The following ZBTB16 variants were observed in gnomAD, a reference collection of about 807,000 sequenced individuals.
ZBTB16 encodes zinc finger and BTB domain-containing protein 16.
ZBTB16 carries 8 observed loss-of-function variants against 56.8 expected under a neutral mutation model. The ratio of observed to expected loss-of-function variants is 0.14; its 90% confidence interval spans 0.08 to 0.25. ZBTB16 has a LOEUF of 0.25. ZBTB16 is among the 10% of genes least tolerant of loss of function. ZBTB16 has a pLI of 1.00. For synonymous variants in ZBTB16, 363 were observed against 368.5 expected, an observed-to-expected ratio of 0.98 and a Z score of 0.17; for missense variants, 625 against 903.0, an observed-to-expected ratio of 0.69 and a Z score of 3.95.
chr11:114,235,686 C>CT (rs1944561854), intron 4 of ZBTB16, among the ~76,000 whole-genome samples: 2 of 38,144 alleles, frequency 5.2e-5, no homozygotes, highest in African/African-American at 1.6e-4. Context: ...TTCTTTCTTT[C>CT]TTTCTTTTCT....
At chr11:114,225,612 C>G (rs976078289) in intron 4 of ZBTB16, among the ~76,000 whole-genome samples, 2 of 152,030 alleles carry the variant, frequency 1.3e-5, no homozygotes, top group African/African-American at 2.4e-5. Flanking sequence ...CGACATTAAT[C>G]CACGCGTGAG....
chr11:114,180,833 A>G (rs1011488980), intron 3 of ZBTB16: 1 of 152,274 alleles, frequency 6.6e-6, no homozygotes, highest in African/African-American at 2.4e-5. Flanking sequence ...GACAGGTGGG[A>G]ACCTGCTCTC....
intron 2 of ZBTB16, among the ~76,000 whole-genome samples, chr11:114,117,712 G>A (rs186627133): frequency 6.6e-6 from 1 of 152,306 alleles, no homozygotes; most frequent in African/African-American, 2.4e-5. Flanking sequence ...TATTTGCAGT[G>A]GGTCTTGAAG....
intron 4 of ZBTB16, among the ~76,000 whole-genome samples, chr11:114,201,843 AATG>A (rs1234117888): frequency 6.6e-6 from 1 of 152,224 alleles, no homozygotes; most frequent in African/African-American, 2.4e-5. Context: ...GAGTAATAAT[AATG>A]ATGATTTACA....
chr11:114,085,348 C>T (rs543328571), intron 2 of ZBTB16, among the ~76,000 whole-genome samples: 2 of 152,272 alleles, frequency 1.3e-5, no homozygotes, highest in African/African-American at 2.4e-5. Context: ...AACAGTGAGG[C>T]CTTAGCCATA....
chr11:114,207,008 GCT>G (rs1943891437), intron 4 of ZBTB16, among the ~76,000 whole-genome samples: 2 of 152,294 alleles, frequency 1.3e-5, no homozygotes, highest in Non-Finnish European at 1.5e-5. Context: ...ATGGCGGCAT[GCT>G]CTGTTTTTGA....
rs59621711 is a variant in ZBTB16, at chr11:114,114,367, A to G, written c.1269-41970A>G. ...CTTCAGTGTATATGAGCAGTTTGCT[A>G]TCATTTGTTAGACCTTTTGAGCATC... On this transcript the variant is annotated intron_variant, in intron 2 of 6. Coordinates refer to ENST00000335953, the MANE Select transcript of ZBTB16 (RefSeq NM_006006.6). Among the ~76,000 whole-genome samples, 1,148 of 152,332 alleles carry G rather than the reference A, an allele frequency of 7.5e-3. 15 individuals carry two copies. The highest frequency in any genetic ancestry group is 0.025 in the African/African-American group (1,026 of 41,574).
At chr11:114,151,809 C>A (rs922349086) in intron 2 of ZBTB16, among the ~76,000 whole-genome samples, 11 of 152,214 alleles carry the variant, frequency 7.2e-5, no homozygotes, top group African/African-American at 2.7e-4. Flanking sequence ...GTGGGCCGAG[C>A]TTACCCTGCA....
chr11:114,179,865 G>A (rs771210412), intron 3 of ZBTB16, among the ~76,000 whole-genome samples: 1 of 152,148 alleles, frequency 6.6e-6, no homozygotes. Context: ...AGGTAGGGAG[G>A]GAGGTTCTTT....
Position 114,112,870 on chromosome 11 carries a change from C to T in ZBTB16, c.1269-43467C>T, listed in dbSNP as rs1482354991. Among the ~76,000 whole-genome samples the T allele has an allele frequency of 3.3e-5, 5 of 150,630 alleles. No individual in the cohort carries two copies. In the South Asian group the frequency reaches 6.3e-4, roughly 19 times the overall value. ...CCTCGACCTTCCAGGCACAAGTGAT[C>T]CTCCCTCCTCAGTTTCCCAAGTAGC... is the stretch of plus-strand genomic sequence containing the variant. On this transcript the variant is annotated intron_variant, in intron 2 of 6. Transcript: ENST00000335953.
intron 4 of ZBTB16, among the ~76,000 whole-genome samples, chr11:114,192,462 G>T (rs1398332266): frequency 6.6e-6 from 1 of 152,198 alleles, no homozygotes; most frequent in Non-Finnish European, 1.5e-5. Context: ...TACCACAGGG[G>T]ACTAAAGTGG....
At chr11:114,164,204 C>G (rs1481641942) in intron 3 of ZBTB16, among the ~76,000 whole-genome samples, 1 of 152,132 alleles carries the variant, frequency 6.6e-6, no homozygotes, top group African/African-American at 2.4e-5. Context: ...AGGAGCCTGT[C>G]AGATAGAACA....
chr11:114,250,208 T>A lies in ZBTB16; in HGVS notation c.1793-118T>A. The A allele has an allele frequency of 3.5e-6, 4 of 1,135,744 alleles. No homozygotes were observed. In the East Asian group the frequency reaches 9.5e-5, roughly 27 times the overall value. 70.4% of individuals were successfully genotyped at this position (1,135,744 alleles called of 1,614,324 possible). ...GTGCCTTCATTGTCCCAGAAAGTTCTGTTGGAGCAAGCCCAGCTGGAGGAA... is the reference window on the plus strand; with the variant it reads ...GTGCCTTCATTGTCCCAGAAAGTTCAGTTGGAGCAAGCCCAGCTGGAGGAA... On this transcript the variant is annotated intron_variant, in intron 6 of 6. Transcript: ENST00000335953. This position sits in a 1 kb window ranked among gnomAD's most constrained non-coding sequence, Gnocchi z 6.0.
At chr11:114,070,355 G>T (rs1025236265) in intron 2 of ZBTB16, among the ~76,000 whole-genome samples, 7 of 151,882 alleles carry the variant, frequency 4.6e-5, no homozygotes, top group Non-Finnish European at 7.4e-5. Flanking sequence ...TGATCCACCC[G>T]CCTCGGCCTC....
chr11:114,182,430 C>G (rs1943270922), intron 3 of ZBTB16, among the ~76,000 whole-genome samples: 1 of 152,164 alleles, frequency 6.6e-6, no homozygotes, highest in African/African-American at 2.4e-5. Context: ...TAAAAATCTG[C>G]CCTCCCATCT....
At chr11:114,171,748 T>C (rs1364152151) in intron 3 of ZBTB16, among the ~76,000 whole-genome samples, 1 of 152,234 alleles carries the variant, frequency 6.6e-6, no homozygotes, top group Non-Finnish European at 1.5e-5. Context: ...CGTCTCCCAC[T>C]TTAGTTTTCA....
chr11:114,180,553 T>G (rs1943224813), intron 3 of ZBTB16, among the ~76,000 whole-genome samples: 1 of 152,186 alleles, frequency 6.6e-6, no homozygotes, highest in African/African-American at 2.4e-5. Flanking sequence ...CTTTCCTCCC[T>G]TTTCCTCTCA....
At chr11:114,153,144 TCCA>T (rs1942317634) in intron 2 of ZBTB16, among the ~76,000 whole-genome samples, 1 of 152,230 alleles carries the variant, frequency 6.6e-6, no homozygotes, top group Non-Finnish European at 1.5e-5. Flanking sequence ...ACTGAAATCC[TCCA>T]CCATTATTTT....
At chr11:114,087,350 C>G (rs575841955) in intron 2 of ZBTB16, among the ~76,000 whole-genome samples, 31 of 152,258 alleles carry the variant, frequency 2.0e-4, no homozygotes, top group Admixed American at 1.7e-3. Context: ...TTTGTCTTTT[C>G]TTGTGTTTCA....
Sources: gnomAD v4.1 joint callset for allele counts (sites outside exome capture counted in the v4.1 genomes callset) on GRCh38, gnomAD v4.1.1 for gene constraint, Gnocchi (gnomAD v3.1) non-coding constraint, MANE v1.5 for transcripts, NCBI Gene and HGNC (gene_info 2026-07-23, HGNC 2026-07-21) for gene names.